PFDN2: variants seen among roughly 807,000 people sequenced by gnomAD.
PFDN2 encodes the protein prefoldin 2.
In PFDN2, 7 loss-of-function variants were observed where a neutral mutation model predicts 18.3. That is an observed-to-expected ratio of 0.38 (90% confidence interval 0.22 to 0.72). The LOEUF (loss-of-function observed/expected upper bound fraction) is 0.72, where lower values mean the gene tolerates loss of function less well. PFDN2 is among the 30% of genes least tolerant of loss of function. The probability of loss-of-function intolerance (pLI) is 0.47; values close to 1 mark genes in which losing one functional copy is unlikely to be tolerated. For synonymous variants in PFDN2, 76 were observed against 75.0 expected (o/e 1.01, Z -0.07); for missense variants, 181 against 199.1 (o/e 0.91, Z 0.55).
chr1:161,117,868 G>A (rs978645106), intron 1 of PFDN2, 84 bp downstream of exon 1: 17 of 1,219,338 alleles, frequency 1.4e-5, no homozygotes, highest in Non-Finnish European at 2.0e-5. Flanking sequence ...CTGGAGTAAA[G>A]GCCTGCACAA....
At chr1:161,116,956 C>T (rs1159329637) in intron 1 of PFDN2, among the ~76,000 whole-genome samples, 2 of 152,150 alleles carry the variant, frequency 1.3e-5, no homozygotes, top group Non-Finnish European at 2.9e-5. Context: ...AGCTGTAGGC[C>T]GGGAGCGGTG....
rs1654578303 is a variant in PFDN2 at position 161,102,141 on chromosome 1, A to T, written c.195T>A (p.Asp65Glu). 1 of 1,614,046 alleles carries T rather than the reference A, an allele frequency of 6.2e-7. No individual in the cohort carries two copies. Among genetic ancestry groups the T allele is most frequent in the South Asian group, 1.1e-5 (1 of 91,084 alleles). ...SLVIDTLKEV[D>E]ETRKCYRMVG... ...CCATGCGGTAGCACTTACGAGTTTCATCTACCTCCTTCAGTGTATCGATCA... is the reference window on the plus strand; with the variant it reads ...CCATGCGGTAGCACTTACGAGTTTCTTCTACCTCCTTCAGTGTATCGATCA... Residue 65 changes from aspartate to glutamate, a missense_variant, in exon 3 of 4, where the codon GAT (aspartate) becomes GAA (glutamate). Physicochemically the swap from Asp to Glu is conservative, Grantham distance 45 (BLOSUM62 2). Transcript: ENST00000368010.
intron 1 of PFDN2, among the ~76,000 whole-genome samples, chr1:161,110,796 T>C (rs895638806): frequency 1.3e-5 from 2 of 151,760 alleles, no homozygotes; most frequent in Non-Finnish European, 2.9e-5. Context: ...CAAATAATAG[T>C]ACTCATCCCT....
chr1:161,114,669 G>C (rs886106845), intron 1 of PFDN2, among the ~76,000 whole-genome samples: 2 of 152,198 alleles, frequency 1.3e-5, no homozygotes, highest in Admixed American at 6.5e-5. Flanking sequence ...GGTAGGTATT[G>C]TTATGTTTCT....
chr1:161,109,544 C>T (rs1489489050), intron 1 of PFDN2, among the ~76,000 whole-genome samples: 1 of 152,132 alleles, frequency 6.6e-6, no homozygotes, highest in Non-Finnish European at 1.5e-5. Context: ...ATCTGCCTTC[C>T]ACAGTCTCAA....
chr1:161,102,475 G>T lies in PFDN2; in HGVS notation c.76-100C>A, dbSNP rs1654587771. 12 of 821,378 alleles carry T rather than the reference G, an allele frequency of 1.5e-5. No individual in the cohort carries two copies. The Admixed American group carries it at 2.9e-4, about 20-fold the overall frequency. 50.9% of individuals were successfully genotyped at this position (821,378 alleles called of 1,614,324 possible). On this transcript the variant is annotated intron_variant, in intron 1 of 3. Coordinates refer to ENST00000368010, the MANE Select transcript of PFDN2 (RefSeq NM_012394.4). Reference sequence around the variant, plus strand: ...AGGCTTTACAAAGGTGCAGTAGTGGGCACCTACCTTGGAAAAGGAGTAGAA... The same window carrying T: ...AGGCTTTACAAAGGTGCAGTAGTGGTCACCTACCTTGGAAAAGGAGTAGAA...
chr1:161,112,866 C>A (rs1249831593), intron 1 of PFDN2, among the ~76,000 whole-genome samples: 1 of 149,162 alleles, frequency 6.7e-6, no homozygotes, highest in African/African-American at 2.5e-5. Flanking sequence ...CAAACCAGTA[C>A]ATACTGTAGT....
chr1:161,117,447 G>T (rs531238113), intron 1 of PFDN2, among the ~76,000 whole-genome samples: 1 of 152,282 alleles, frequency 6.6e-6, no homozygotes, highest in East Asian at 1.9e-4. Flanking sequence ...AAAGAAATTC[G>T]ATCTAGTAAT....
intron 1 of PFDN2, among the ~76,000 whole-genome samples, chr1:161,103,678 C>T (rs1288114488): frequency 2.3e-5 from 2 of 87,562 alleles, no homozygotes; most frequent in Non-Finnish European, 4.2e-5. Flanking sequence ...AGCAAGACTC[C>T]GTCTCAAAAA....
intron 3 of PFDN2, among the ~76,000 whole-genome samples, chr1:161,101,082 T>C (rs1487003718): frequency 6.6e-6 from 1 of 152,208 alleles, no homozygotes; most frequent in Non-Finnish European, 1.5e-5. Flanking sequence ...CAGAGACAAG[T>C]TCCTACTATG....
Position 161,102,388 on chromosome 1 carries a change from G to A in PFDN2, c.76-13C>T, listed in dbSNP as rs754268456. On this transcript the variant is annotated splice_polypyrimidine_tract_variant and intron_variant, in intron 1 of 3. Coordinates refer to ENST00000368010, the MANE Select transcript of PFDN2 (RefSeq NM_012394.4). ...AGCCAGCAATCACCTAACAAGGTGA[G>A]AGAAGAGATGAAAGAGGGGATAGTG... The A allele has an allele frequency of 6.2e-7, 1 of 1,600,298 alleles. No homozygotes were observed. The highest frequency in any genetic ancestry group is 8.6e-7 in the Non-Finnish European group (1 of 1,167,498).
In PFDN2 at chr1:161,117,949, C is replaced by A; in HGVS notation, c.75+3G>T. ...ACCCTGCTTCGCGTTAGCCACTCCT[C>A]ACCTGCTCTGCGGACACCGCCCCCT... is the stretch of plus-strand genomic sequence containing the variant. On this transcript the variant is annotated splice_donor_region_variant and intron_variant, in intron 1 of 3. Coordinates refer to ENST00000368010, the MANE Select transcript of PFDN2 (RefSeq NM_012394.4). 1.2e-6 allele frequency: 2 copies of A among 1,610,920 alleles called. No individual in the cohort carries two copies.
intron 1 of PFDN2, among the ~76,000 whole-genome samples, chr1:161,108,457 CAA>C (rs35647606): frequency 7.0e-5 from 9 of 127,862 alleles, no homozygotes; most frequent in Admixed American, 8.0e-5. Context: ...AACTCCGTCT[CAA>C]AAAAAAAAAA....
At chr1:161,105,832 A>C (rs977303374) in intron 1 of PFDN2, among the ~76,000 whole-genome samples, 1 of 152,186 alleles carries the variant, frequency 6.6e-6, no homozygotes, top group African/African-American at 2.4e-5. Context: ...CCATTTTATG[A>C]ACTTTTAATC....
At chr1:161,111,625 AGAT>A (rs1016705067) in intron 1 of PFDN2, among the ~76,000 whole-genome samples, 2 of 152,164 alleles carry the variant, frequency 1.3e-5, no homozygotes, top group African/African-American at 4.8e-5. Context: ...GAACTAACTG[AGAT>A]AATAGGTCAA....
At chr1:161,113,697 C>A (rs1654852691) in intron 1 of PFDN2, among the ~76,000 whole-genome samples, 1 of 152,174 alleles carries the variant, frequency 6.6e-6, no homozygotes, top group South Asian at 2.1e-4. Context: ...AGAAGGATCA[C>A]CTGAGCCTTG....
chr1:161,115,391 C>A (rs535896839), intron 1 of PFDN2, among the ~76,000 whole-genome samples: 1 of 152,350 alleles, frequency 6.6e-6, no homozygotes, highest in Admixed American at 6.5e-5. Flanking sequence ...AAGTTTCACA[C>A]TGTTGTGAAT....
chr1:161,101,919 G>T, intron 3 of PFDN2, 129 bp downstream of exon 3: 1 of 845,476 alleles, frequency 1.2e-6, no homozygotes, highest in Non-Finnish European at 1.9e-6. Flanking sequence ...TTTTTGTAGT[G>T]ATATGGTTTC....
intron 1 of PFDN2, among the ~76,000 whole-genome samples, chr1:161,111,716 C>T (rs991144501): frequency 6.6e-6 from 1 of 152,178 alleles, no homozygotes; most frequent in African/African-American, 2.4e-5. Flanking sequence ...CTCAAGCCTC[C>T]TTCTTTCTCC....
Sources: gnomAD v4.1 joint callset for allele counts (sites outside exome capture counted in the v4.1 genomes callset) on GRCh38, gnomAD v4.1.1 for gene constraint, MANE v1.5 for transcripts, NCBI Gene and HGNC (gene_info 2026-07-23, HGNC 2026-07-21) for gene names.